Variants in PTPRD observed in about 807,000 individuals in gnomAD.
PTPRD encodes protein tyrosine phosphatase receptor type D.
In PTPRD, 34 loss-of-function variants were observed where a neutral mutation model predicts 214.5. That is an observed-to-expected ratio of 0.16 (90% CI 0.12 to 0.21). PTPRD has a LOEUF of 0.21. Ranked by LOEUF, PTPRD falls within the 10% of genes least tolerant of loss-of-function variation. The pLI is 1.00. For synonymous variants in PTPRD, 1,128 were observed against 845.7 expected, an observed-to-expected ratio of 1.33 and a Z score of -5.79; for missense variants, 2,545 against 2,398.7, an observed-to-expected ratio of 1.06 and a Z score of -1.27.
At chr9:9,229,064 T>C (rs2099961399) in intron 9 of PTPRD, among the ~76,000 whole-genome samples, 2 of 152,126 alleles carry the variant, frequency 1.3e-5, no homozygotes, top group Admixed American at 6.6e-5. Context: ...AGTGAAAAGT[T>C]TGTATGTGTT....
chr9:8,721,081 A>T (rs565862194), intron 12 of PTPRD, among the ~76,000 whole-genome samples: 1 of 151,814 alleles, frequency 6.6e-6, no homozygotes, highest in Non-Finnish European at 1.5e-5. Context: ...GGAGGATAAA[A>T]ATTATGTTGC....
intron 14 of PTPRD, among the ~76,000 whole-genome samples, chr9:8,586,678 T>C (rs1004001225): frequency 2.0e-5 from 3 of 152,234 alleles, no homozygotes; most frequent in Non-Finnish European, 4.4e-5. Flanking sequence ...CCTACCCTCC[T>C]ACCCCCAGTC....
chr9:9,505,981 T>C (rs2096561732), intron 8 of PTPRD, among the ~76,000 whole-genome samples: 1 of 151,434 alleles, frequency 6.6e-6, no homozygotes, highest in South Asian at 2.1e-4. Context: ...TGAGAGTAGA[T>C]AATCTCATAA....
intron 6 of PTPRD, among the ~76,000 whole-genome samples, chr9:9,748,770 C>T (rs1376510338): frequency 6.6e-6 from 1 of 152,146 alleles, no homozygotes; most frequent in Non-Finnish European, 1.5e-5. Context: ...TGGATTTTTA[C>T]ACAGCAAAGT....
intron 35 of PTPRD, among the ~76,000 whole-genome samples, chr9:8,413,689 C>T (rs974508059): frequency 3.9e-5 from 6 of 152,066 alleles, no homozygotes; most frequent in African/African-American, 1.4e-4. Context: ...ATACTTATAT[C>T]CATGGTGCTC....
At chr9:10,414,361 A>G (rs529311649) in intron 2 of PTPRD, among the ~76,000 whole-genome samples, 2 of 152,194 alleles carry the variant, frequency 1.3e-5, no homozygotes, top group South Asian at 4.1e-4. Context: ...TGATCATTAG[A>G]GAAATGCAAA....
intron 6 of PTPRD, among the ~76,000 whole-genome samples, chr9:9,752,241 C>A (rs938546414): frequency 2.0e-5 from 3 of 152,112 alleles, no homozygotes; most frequent in African/African-American, 7.2e-5. Flanking sequence ...CCTATTAGCA[C>A]AAGTAATTGA....
intron 2 of PTPRD, among the ~76,000 whole-genome samples, chr9:10,360,409 G>T (rs1008315166): frequency 8.5e-5 from 13 of 152,196 alleles, no homozygotes; most frequent in African/African-American, 2.9e-4. Context: ...TAGCCATTCT[G>T]CAGGGCATGT....
At chr9:10,149,923 G>A (rs898521371) in intron 3 of PTPRD, among the ~76,000 whole-genome samples, 7 of 151,846 alleles carry the variant, frequency 4.6e-5, no homozygotes, top group African/African-American at 1.7e-4. Flanking sequence ...TAGAGATGGG[G>A]TTTCACCATG....
chr9:9,691,010 T>C (rs780570370), intron 7 of PTPRD, among the ~76,000 whole-genome samples: 44 of 152,064 alleles, frequency 2.9e-4, no homozygotes, highest in East Asian at 1.9e-4. Flanking sequence ...GTCATTCTTT[T>C]TAATTTTTGT....
At chr9:8,899,671 T>A (rs1406512032) in intron 11 of PTPRD, among the ~76,000 whole-genome samples, 1 of 152,192 alleles carries the variant, frequency 6.6e-6, no homozygotes, top group Non-Finnish European at 1.5e-5. Flanking sequence ...CTGGAGTAGT[T>A]GCCTGGAACC....
chr9:9,204,054 T>C (rs1569561949), intron 9 of PTPRD, among the ~76,000 whole-genome samples: 1 of 152,170 alleles, frequency 6.6e-6, no homozygotes, highest in African/African-American at 2.4e-5. Flanking sequence ...ACTGCCTTTC[T>C]GGGTCAACTT....
intron 35 of PTPRD, among the ~76,000 whole-genome samples, chr9:8,431,768 C>G (rs943883054): frequency 2.6e-5 from 4 of 152,168 alleles, no homozygotes; most frequent in African/African-American, 9.6e-5. Flanking sequence ...ACTAGCATTT[C>G]TGGGGCTGGG....
chr9:8,835,597 A>G (rs1254764277), intron 11 of PTPRD, among the ~76,000 whole-genome samples: 1 of 152,150 alleles, frequency 6.6e-6, no homozygotes, highest in African/African-American at 2.4e-5. Context: ...TGGCACAATC[A>G]TGGTTCACTG....
At chr9:9,716,864 A>G (rs1406947860) in intron 7 of PTPRD, among the ~76,000 whole-genome samples, 2 of 151,812 alleles carry the variant, frequency 1.3e-5, no homozygotes, top group Non-Finnish European at 2.9e-5. Context: ...ATGAGATCCC[A>G]TTTGTCAATT....
At chr9:8,611,331 T>C (rs1049272040) in intron 14 of PTPRD, among the ~76,000 whole-genome samples, 2 of 152,166 alleles carry the variant, frequency 1.3e-5, no homozygotes, top group African/African-American at 2.4e-5. Flanking sequence ...GCTATCCTTA[T>C]GATGACGTCA....
At chr9:9,395,415 G>C (rs552440246) in intron 9 of PTPRD, among the ~76,000 whole-genome samples, 2 of 152,010 alleles carry the variant, frequency 1.3e-5, no homozygotes, top group Non-Finnish European at 2.9e-5. Context: ...AATTGGTTTG[G>C]GTACTACCCA....
At chr9:10,372,154 C>G (rs1283020295) in intron 2 of PTPRD, among the ~76,000 whole-genome samples, 1 of 152,058 alleles carries the variant, frequency 6.6e-6, no homozygotes, top group Non-Finnish European at 1.5e-5. Context: ...GACTTTAGTA[C>G]AATACAGTTT....
chr9:9,614,315 A>G (rs931578937), intron 7 of PTPRD, among the ~76,000 whole-genome samples: 1 of 152,146 alleles, frequency 6.6e-6, no homozygotes, highest in Non-Finnish European at 1.5e-5. Context: ...AACTAACTTC[A>G]TATTTGCAAA....
Sources: gnomAD v4.1 joint callset for allele counts (sites outside exome capture counted in the v4.1 genomes callset) on GRCh38, gnomAD v4.1.1 for gene constraint, MANE v1.5 for transcripts, NCBI Gene and HGNC (gene_info 2026-07-23, HGNC 2026-07-21) for gene names.